The following ROCK2 variants were observed in gnomAD, a reference collection of about 807,000 sequenced individuals.
ROCK2 encodes the protein Rho associated coiled-coil containing protein kinase 2, also known as rho-associated protein kinase 2.
A neutral mutation model predicts 195.1 loss-of-function variants in ROCK2; 61 were observed. The ratio of observed to expected loss-of-function variants is 0.31; its 90% CI spans 0.25 to 0.39. ROCK2 has a LOEUF of 0.39. ROCK2 is among the 10% of genes least tolerant of loss of function. The pLI, the probability that ROCK2 is intolerant of heterozygous loss-of-function variation, is 1.00. For missense variants in ROCK2, 1,109 were observed against 1,637.4 expected, an observed-to-expected ratio of 0.68 and a Z score of 5.57; for synonymous variants, 504 against 545.5, an observed-to-expected ratio of 0.92 and a Z score of 1.06.
intron 7 of ROCK2, among the ~76,000 whole-genome samples, chr2:11,223,893 AG>A (rs1386122557): frequency 6.6e-6 from 1 of 152,212 alleles, no homozygotes; most frequent in Non-Finnish European, 1.5e-5. Flanking sequence ...CAAATTAAAA[AG>A]GGTTGGGAAG....
At chr2:11,187,382 T>C (rs1663235663) in intron 32 of ROCK2, among the ~76,000 whole-genome samples, 2 of 152,240 alleles carry the variant, frequency 1.3e-5, no homozygotes, top group Admixed American at 1.3e-4. Context: ...CCATGCTTGT[T>C]AGTCACTTAC....
chr2:11,241,474 A>G (rs2148115151), intron 4 of ROCK2, among the ~76,000 whole-genome samples: 1 of 152,248 alleles, frequency 6.6e-6, no homozygotes, highest in African/African-American at 2.4e-5. Flanking sequence ...AGTTTGATGA[A>G]CTCTATAAAC....
chr2:11,341,564 G>A (rs1169029997), intron 1 of ROCK2, among the ~76,000 whole-genome samples: 1 of 152,044 alleles, frequency 6.6e-6, no homozygotes, highest in East Asian at 1.9e-4. Context: ...ATCATTTCTG[G>A]TGTACTTCAT....
At chr2:11,205,425 G>C (rs1050026057) in intron 20 of ROCK2, among the ~76,000 whole-genome samples, 6 of 152,068 alleles carry the variant, frequency 3.9e-5, no homozygotes. Flanking sequence ...ATTCACTAGA[G>C]AACCTTCTTG....
chr2:11,220,258 T>A (rs1302121102), intron 9 of ROCK2, among the ~76,000 whole-genome samples: 1 of 152,188 alleles, frequency 6.6e-6, no homozygotes, highest in African/African-American at 2.4e-5. Context: ...CCTCAGGTGA[T>A]CTGCCCACCT....
intron 1 of ROCK2, among the ~76,000 whole-genome samples, chr2:11,340,395 T>C (rs1303733828): frequency 2.0e-5 from 3 of 152,190 alleles, no homozygotes; most frequent in Admixed American, 1.3e-4. Flanking sequence ...GGATAAGGGA[T>C]TGCGGACCTG....
At chr2:11,253,110 C>A (rs1665897448) in intron 3 of ROCK2, among the ~76,000 whole-genome samples, 1 of 151,970 alleles carries the variant, frequency 6.6e-6, no homozygotes, top group Non-Finnish European at 1.5e-5. Flanking sequence ...GTTGGTGCTC[C>A]TTTTTACTCA....
intron 1 of ROCK2, among the ~76,000 whole-genome samples, chr2:11,331,169 C>T (rs1668756208): frequency 6.6e-6 from 1 of 152,162 alleles, no homozygotes; most frequent in African/African-American, 2.4e-5. Context: ...TCTAACCTAA[C>T]ATTAAAAAGA....
intron 32 of ROCK2, among the ~76,000 whole-genome samples, chr2:11,188,960 TGGAAGG>T (rs1663310727): frequency 6.6e-6 from 1 of 150,414 alleles, no homozygotes; most frequent in African/African-American, 2.4e-5. Flanking sequence ...TGCTTGAACC[TGGAAGG>T]TGGAGGGTTA....
chr2:11,244,713 C>T (rs1406472978), intron 4 of ROCK2, among the ~76,000 whole-genome samples: 2 of 151,582 alleles, frequency 1.3e-5, no homozygotes, highest in Non-Finnish European at 2.9e-5. Context: ...TGAGCCATGA[C>T]CTTGCCACTG....
upstream of ROCK2, chr2:11,344,711 G>C (rs1558412308): frequency 6.8e-6 from 1 of 147,010 alleles, no homozygotes; most frequent in Non-Finnish European, 1.5e-5. This position sits in a 1 kb window ranked among gnomAD's most constrained non-coding sequence, Gnocchi z 5.4. Flanking sequence ...GGCCCTGCGC[G>C]CGCTCCGCCC....
At chr2:11,279,428 T>TA (rs1294853621) in intron 3 of ROCK2, among the ~76,000 whole-genome samples, 1 of 152,086 alleles carries the variant, frequency 6.6e-6, no homozygotes, top group Non-Finnish European at 1.5e-5. Flanking sequence ...TTACCAGCGA[T>TA]AAAAAAGGGC....
intron 1 of ROCK2, among the ~76,000 whole-genome samples, chr2:11,323,671 T>G (rs531063979): frequency 3.9e-5 from 6 of 152,150 alleles, no homozygotes; most frequent in African/African-American, 1.4e-4. Flanking sequence ...AAAGAACATG[T>G]TTTTTAAAAG....
intron 3 of ROCK2, among the ~76,000 whole-genome samples, chr2:11,263,604 TAAA>T (rs11376539): frequency 7.1e-6 from 1 of 140,572 alleles, no homozygotes. Context: ...TTTACATTAT[TAAA>T]AAAAAAAAAG....
intron 5 of ROCK2, among the ~76,000 whole-genome samples, chr2:11,229,844 T>A (rs1006125056): frequency 9.9e-5 from 15 of 152,278 alleles, no homozygotes; most frequent in Admixed American, 7.8e-4. Context: ...TGAAATAATT[T>A]TATGTGTATA....
intron 17 of ROCK2, among the ~76,000 whole-genome samples, 172 bp from the exon 18 acceptor site, chr2:11,212,012 TCCTCCCACCTTGG>T (rs1007880187): frequency 6.6e-6 from 1 of 151,468 alleles, no homozygotes; most frequent in African/African-American, 2.4e-5. Context: ...GCTCAAGCAA[TCCTCCCACCTTGG>T]CCTCCAAAGT....
At chr2:11,244,286 T>G (rs13431383) in intron 4 of ROCK2, among the ~76,000 whole-genome samples, 218 of 152,322 alleles carry the variant, frequency 1.4e-3, no homozygotes, top group African/African-American at 5.0e-3. Context: ...TTGCAAAGCC[T>G]AAATATTTAC....
At chr2:11,208,781 T>G (rs1282697544) in intron 18 of ROCK2, among the ~76,000 whole-genome samples, 2 of 151,946 alleles carry the variant, frequency 1.3e-5, no homozygotes, top group Non-Finnish European at 1.5e-5. Flanking sequence ...TTAGTAGAGA[T>G]GGGGTTTTGC....
At position 11,317,574 on chromosome 2, in the gene ROCK2, A is replaced by ATT. The variant is rs1179887148; in HGVS notation, c.141+26420_141+26421dup. On this transcript the variant is annotated intron_variant, in intron 1 of 32. Transcript: ENST00000315872. The stretch of plus-strand genomic sequence containing the variant: ...TTTTTAAAGCCGCCCTGATCTACAC[A>ATT]TTTATATATATATATATATATATAT... Among the ~76,000 whole-genome samples the ATT allele has an allele frequency of 1.5e-3, 81 of 55,040 alleles. 1 individual carries two copies. Among genetic ancestry groups the ATT allele is most frequent in the African/African-American group, 5.3e-3 (61 of 11,554 alleles). The allele number at this position is 55,040 out of a possible 152,430, so 36.1% of individuals were successfully genotyped here.
Sources: allele counts gnomAD v4.1 joint callset (sites outside exome capture counted in the v4.1 genomes callset), GRCh38; gene constraint gnomAD v4.1.1; non-coding constraint Gnocchi (gnomAD v3.1); transcripts MANE v1.5; gene names NCBI Gene and HGNC (gene_info 2026-07-23, HGNC 2026-07-21).